The following BABAM2 variants were observed in gnomAD, a reference collection of about 807,000 sequenced individuals.
The protein encoded by BABAM2 is BRISC and BRCA1-A complex member 2.
BABAM2 carries 31 observed loss-of-function variants against 54.7 expected under a neutral mutation model. The observed-to-expected ratio is 0.57, with a 90% CI of 0.43 to 0.77. The LOEUF (loss-of-function observed/expected upper bound fraction) is 0.77, where lower values mean the gene tolerates loss of function less well. BABAM2 is among the 30% of genes least tolerant of loss of function. The pLI, the probability that BABAM2 is intolerant of heterozygous loss-of-function variation, is 0.00. For missense variants in BABAM2, 364 were observed against 455.8 expected (o/e 0.80, Z 1.83); for synonymous variants, 167 against 162.9 (o/e 1.03, Z -0.19).
chr2:28,290,892 T>C (rs1687230404), intron 10 of BABAM2, among the ~76,000 whole-genome samples: 1 of 152,200 alleles, frequency 6.6e-6, no homozygotes, highest in South Asian at 2.1e-4. Flanking sequence ...AAGATTTTCA[T>C]CAAAATAGTT....
intron 4 of BABAM2, among the ~76,000 whole-genome samples, chr2:27,997,650 G>C (rs1673263455): frequency 6.6e-6 from 1 of 152,070 alleles, no homozygotes; most frequent in African/African-American, 2.4e-5. Context: ...TAGAAAAACA[G>C]AGCACCTTGA....
chr2:28,125,186 G>A (rs990119239), intron 6 of BABAM2, among the ~76,000 whole-genome samples: 7 of 152,208 alleles, frequency 4.6e-5, no homozygotes, highest in Non-Finnish European at 1.0e-4. Flanking sequence ...GTAACAGCCA[G>A]TGTTATCCAG....
Position 28,327,516 on chromosome 2 carries a change from A to G in BABAM2, c.1089-10934A>G. 3 of 1,458,448 alleles carry G rather than the reference A, an allele frequency of 2.1e-6. No individual in the cohort carries two copies. In the South Asian group the frequency reaches 4.4e-5, roughly 21 times the overall value. The allele number at this position is 1,458,448 out of a possible 1,614,324, so 90.3% of individuals were successfully genotyped here. On this transcript the variant is annotated intron_variant, in intron 11 of 11. Coordinates refer to ENST00000379624, the MANE Select transcript of BABAM2 (RefSeq NM_199191.3). ...TCATCCCAATACTTTGATGTCTAGA[A>G]ATGGATCTCAGTCAGTTGTTGTTGA...
At chr2:28,259,074 CTTTTTTTTTTTTT>C (rs70956009) in intron 10 of BABAM2, among the ~76,000 whole-genome samples, 5 of 23,422 alleles carry the variant, frequency 2.1e-4, no homozygotes, top group South Asian at 3.0e-3. Context: ...TGCACCTGGC[CTTTTTTTTTTTTT>C]TTTTTTTTTT....
chr2:28,165,529 C>CTTTTTTTTTTTTT (rs1192641957), intron 7 of BABAM2, among the ~76,000 whole-genome samples: 11 of 72,272 alleles, frequency 1.5e-4, no homozygotes, highest in Admixed American at 2.3e-4. Context: ...TTTTTCCTTG[C>CTTTTTTTTTTTTT]TTTTTTTTTT....
At chr2:28,040,294 C>CTTTTTTTTTTTTGTTTTTTTTTTTTT (rs1676971277) in intron 5 of BABAM2, among the ~76,000 whole-genome samples, 1 of 59,470 alleles carries the variant, frequency 1.7e-5, no homozygotes, top group Non-Finnish European at 3.0e-5. Context: ...AAACTGAATT[C>CTTTTTTTTTTTTGTTTTTTTTTTTTT]TTTTTTTTTT....
chr2:28,082,286 A>G (rs540972140), intron 6 of BABAM2, among the ~76,000 whole-genome samples: 1 of 152,326 alleles, frequency 6.6e-6, no homozygotes, highest in South Asian at 2.1e-4. Context: ...GTTTTGTGGT[A>G]TTGGTTGTCT....
chr2:28,195,467 A>G (rs1361359387), intron 7 of BABAM2, among the ~76,000 whole-genome samples: 1 of 152,182 alleles, frequency 6.6e-6, no homozygotes, highest in Non-Finnish European at 1.5e-5. Flanking sequence ...AAAAATCTCT[A>G]TGACATGAGA....
chr2:27,951,507 A>C (rs1669716336), intron 3 of BABAM2, among the ~76,000 whole-genome samples: 1 of 152,132 alleles, frequency 6.6e-6, no homozygotes, highest in South Asian at 2.1e-4. Flanking sequence ...ATCCTTTTAA[A>C]TGTATTGAGA....
rs1053645233 is a variant in BABAM2, at chr2:28,152,112, C to T, written c.680+22732C>T. Among the ~76,000 whole-genome samples, 12 of 152,316 alleles carry T rather than the reference C, an allele frequency of 7.9e-5. No homozygotes were observed. In the South Asian group the frequency reaches 1.9e-3, roughly 24 times the overall value. ...CTTTCCTGAGGCCTTTAAGCTATAA[C>T]ATTCTGTCTATAGCACCCCTTTTCT... On this transcript the variant is annotated intron_variant, in intron 7 of 11. Transcript: ENST00000379624.
chr2:28,105,081 C>G (rs1398686878), intron 6 of BABAM2, among the ~76,000 whole-genome samples: 3 of 151,974 alleles, frequency 2.0e-5, no homozygotes, highest in Non-Finnish European at 2.9e-5. Flanking sequence ...GGGGATATAC[C>G]TAATGTAAAT....
intron 7 of BABAM2, among the ~76,000 whole-genome samples, chr2:28,160,741 T>TG (rs1430392246): frequency 3.3e-5 from 5 of 151,404 alleles, no homozygotes; most frequent in South Asian, 2.1e-4. Flanking sequence ...AATTGTTTTT[T>TG]TTTTTTTTTT....
At position 27,995,726 on chromosome 2, in the gene BABAM2, C is replaced by A. The variant is rs1313652415; in HGVS notation, c.300+7639C>A. On this transcript the variant is annotated intron_variant, in intron 4 of 11. Coordinates refer to ENST00000379624, the MANE Select transcript of BABAM2 (RefSeq NM_199191.3). The surrounding 1 kb of genome is among the most constrained non-coding windows in gnomAD (Gnocchi z 4.1). ...TCCCGAGTAGCTGGGACTACAGGCG[C>A]CCGCCACCACACCTGGCTAGTTTTT... Among the ~76,000 whole-genome samples, 1 of 151,970 alleles carries A rather than the reference C, an allele frequency of 6.6e-6. No individual in the cohort carries two copies. The highest frequency in any genetic ancestry group is 2.4e-5 in the African/African-American group (1 of 41,372).
intron 7 of BABAM2, among the ~76,000 whole-genome samples, chr2:28,177,671 T>A (rs1675152665): frequency 6.6e-6 from 1 of 151,362 alleles, no homozygotes; most frequent in Admixed American, 6.6e-5. Context: ...GTGGATTAAA[T>A]TTTCCACTGA....
intron 6 of BABAM2, among the ~76,000 whole-genome samples, chr2:28,117,336 T>A (rs1409750632): frequency 6.6e-6 from 1 of 152,240 alleles, no homozygotes; most frequent in Non-Finnish European, 1.5e-5. Flanking sequence ...CTGTAGAGTT[T>A]GATTTACCGT....
At chr2:28,186,918 A>G (rs944071978) in intron 7 of BABAM2, among the ~76,000 whole-genome samples, 5 of 150,814 alleles carry the variant, frequency 3.3e-5, no homozygotes, top group South Asian at 4.2e-4. Flanking sequence ...CCATTCTCCT[A>G]CCTCAGCCTC....
chr2:28,232,226 T>A (rs1465050649), intron 7 of BABAM2, among the ~76,000 whole-genome samples: 1 of 152,182 alleles, frequency 6.6e-6, no homozygotes, highest in African/African-American at 2.4e-5. Flanking sequence ...TCTGATTTTC[T>A]CCAGTCTAAA....
At chr2:28,087,741 T>C (rs6706419) in intron 6 of BABAM2, among the ~76,000 whole-genome samples, 141,506 of 151,864 alleles carry the variant, frequency 0.93, 66,070 homozygotes, top group East Asian at 1. Flanking sequence ...CTCTGCCTCC[T>C]GGGTTCAAGC....
At chr2:28,287,268 A>T (rs1310354553) in intron 10 of BABAM2, among the ~76,000 whole-genome samples, 1 of 152,256 alleles carries the variant, frequency 6.6e-6, no homozygotes, top group Non-Finnish European at 1.5e-5. Flanking sequence ...TCTTTTAATC[A>T]AACTCTTCCT....
Sources: gnomAD v4.1 joint callset for allele counts (sites outside exome capture counted in the v4.1 genomes callset) on GRCh38, gnomAD v4.1.1 for gene constraint, Gnocchi (gnomAD v3.1) non-coding constraint, MANE v1.5 for transcripts, NCBI Gene and HGNC (gene_info 2026-07-23, HGNC 2026-07-21) for gene names.